Variants in CEP350 observed in about 807,000 individuals in gnomAD.
The protein encoded by CEP350 is centrosome-associated protein 350.
CEP350 carries 126 observed loss-of-function variants against 331.8 expected under a neutral mutation model. The observed-to-expected ratio is 0.38, with a 90% CI of 0.33 to 0.44. The LOEUF (loss-of-function observed/expected upper bound fraction) is 0.44. Ranked by LOEUF, CEP350 falls within the 20% of genes least tolerant of loss-of-function variation. CEP350 has a pLI of 1.00. For missense variants in CEP350, 3,406 were observed against 3,634.6 expected, an observed-to-expected ratio of 0.94 and a Z score of 1.62; for synonymous variants, 1,200 against 1,259.5, an observed-to-expected ratio of 0.95 and a Z score of 1.00.
Position 179,977,511 on chromosome 1 carries a change from C to T in CEP350, c.-13-8658C>T, listed in dbSNP as rs1280560050. ...AATTGGTAATAGTTTATTCCTTAAA[C>T]CGAGAGGTAGCTACATGGGTGTTTA... On this transcript the variant is annotated intron_variant, in intron 1 of 37. Transcript: ENST00000367607. Among the ~76,000 whole-genome samples the T allele has an allele frequency of 4.6e-5, 7 of 152,052 alleles. No individual in the cohort carries two copies. The East Asian group carries it at 1.3e-3, about 29-fold the overall frequency.
rs917701643 is a variant in CEP350 at position 179,954,985 on chromosome 1, G to C, written c.-171G>C. ...TGTCTTCCTTCCCAGCGGACCGGCG[G>C]ATCCCCGGAGCCGGTGCGAGGAGGG... On this transcript the variant is annotated 5_prime_UTR_variant, in exon 1 of 38. Coordinates refer to ENST00000367607, the MANE Select transcript of CEP350 (RefSeq NM_014810.5). The C allele has an allele frequency of 1.6e-6, 2 of 1,239,508 alleles. No homozygotes were observed. The highest frequency in any genetic ancestry group is 3.1e-5 in the African/African-American group (2 of 63,508). 76.8% of individuals were successfully genotyped at this position (1,239,508 alleles called of 1,614,324 possible).
At chr1:180,065,016 C>A in intron 26 of CEP350, 99 bp from the exon 27 acceptor site, 1 of 1,249,698 alleles carries the variant, frequency 8.0e-7, no homozygotes, top group Non-Finnish European at 1.1e-6. Flanking sequence ...TTGTTATAAA[C>A]ATTGTATTGT....
intron 1 of CEP350, among the ~76,000 whole-genome samples, chr1:179,973,103 G>T (rs551529848): frequency 2.0e-5 from 3 of 152,062 alleles, no homozygotes; most frequent in African/African-American, 7.2e-5. Context: ...TCCTGACCTC[G>T]TGATCCATCT....
Position 180,053,821 on chromosome 1 carries a change from T to C in CEP350, c.5061T>C (p.Tyr1687=), listed in dbSNP as rs186422987. The change falls in exon 24 of 38, where the codon TAT becomes TAC. Residue 1687 remains tyrosine, a synonymous_variant. Transcript: ENST00000367607. ...TTACTATGGAGATGGTTCGACAGTA[T>C]ATGAAAGAGGAAGAAATGAGGGCAG... is the stretch of plus-strand genomic sequence containing the variant. ...SKFTMEMVRQ[Y]MKEEEMRAAH... The C allele has an allele frequency of 1.2e-5, 20 of 1,611,786 alleles. No homozygotes were observed. In the East Asian group the frequency reaches 3.6e-4, roughly 29 times the overall value.
Position 180,054,001 on chromosome 1 carries a change from A to AT in CEP350, c.5174+74dup, listed in dbSNP as rs1657663858. The AT allele has an allele frequency of 5.5e-6, 7 of 1,275,374 alleles. No homozygotes were observed. In the Admixed American group the frequency reaches 1.0e-4, roughly 19 times the overall value. 79.0% of individuals were successfully genotyped at this position (1,275,374 alleles called of 1,614,324 possible). On this transcript the variant is annotated intron_variant, in intron 24 of 37. Transcript: ENST00000367607. ...AAAATGGAATGCTTTATATTTTAAG[A>AT]TTTTTTTGTTTCCTCATTTCATTTG... is the stretch of plus-strand genomic sequence containing the variant.
intron 33 of CEP350, among the ~76,000 whole-genome samples, chr1:180,092,389 G>T (rs963032069): frequency 6.6e-6 from 1 of 152,162 alleles, no homozygotes; most frequent in Admixed American, 6.5e-5. Flanking sequence ...AGTTAAGACA[G>T]TGCTTAAGAA....
chr1:180,059,748 C>G (rs572325812), intron 25 of CEP350, among the ~76,000 whole-genome samples: 1 of 152,068 alleles, frequency 6.6e-6, no homozygotes, highest in East Asian at 1.9e-4. Flanking sequence ...ATCCCTGTCA[C>G]TTCAAATAAA....
intron 1 of CEP350, among the ~76,000 whole-genome samples, chr1:179,974,092 T>A (rs1396482911): frequency 1.0e-5 from 1 of 96,660 alleles, no homozygotes; most frequent in Non-Finnish European, 2.6e-5. Flanking sequence ...TGTTTTGTTT[T>A]GTTTTGAGAT....
At chr1:180,029,052 A>G (rs1655848827) in intron 14 of CEP350, among the ~76,000 whole-genome samples, 1 of 152,120 alleles carries the variant, frequency 6.6e-6, no homozygotes, top group African/African-American at 2.4e-5. Flanking sequence ...TTAATTGTAT[A>G]TGTTCCATCT....
intron 21 of CEP350, among the ~76,000 whole-genome samples, chr1:180,045,245 G>A (rs1657046969): frequency 1.3e-5 from 2 of 152,250 alleles, no homozygotes; most frequent in African/African-American, 4.8e-5. Context: ...AGGAGGCTGA[G>A]GCATGAGAAT....
At chr1:180,004,114 T>C (rs1334697690) in intron 7 of CEP350, among the ~76,000 whole-genome samples, 1 of 152,222 alleles carries the variant, frequency 6.6e-6, no homozygotes, top group Non-Finnish European at 1.5e-5. Context: ...CTTTCAAGGC[T>C]TCCAGTTCTG....
intron 37 of CEP350, among the ~76,000 whole-genome samples, chr1:180,101,764 T>C (rs920466299): frequency 3.3e-5 from 5 of 152,182 alleles, no homozygotes; most frequent in African/African-American, 1.2e-4. Context: ...GATCCACCTT[T>C]GGGTTTAATT....
At chr1:179,966,624 G>C (rs2148566226) in intron 1 of CEP350, among the ~76,000 whole-genome samples, 1 of 152,246 alleles carries the variant, frequency 6.6e-6, no homozygotes, top group South Asian at 2.1e-4. Flanking sequence ...ATTTCTGAAA[G>C]CTGAAATTGG....
intron 32 of CEP350, among the ~76,000 whole-genome samples, chr1:180,090,328 T>A (rs903056086): frequency 6.6e-6 from 1 of 150,568 alleles, no homozygotes; most frequent in African/African-American, 2.4e-5. Context: ...GGGCGGATCA[T>A]GAGATCAGGA....
chr1:180,020,245 G>T lies in CEP350; in HGVS notation c.2471G>T (p.Arg824Leu). The T allele has an allele frequency of 6.2e-7, 1 of 1,614,010 alleles. No individual in the cohort carries two copies. The highest frequency in any genetic ancestry group is 8.5e-7 in the Non-Finnish European group (1 of 1,179,904). Reference protein sequence around the residue: ...SASQYKSKLDRIEALKATAAS... With the variant: ...SASQYKSKLDLIEALKATAAS... The stretch of plus-strand genomic sequence containing the variant: ...AGCCAATATAAGAGTAAACTGGATC[G>T]TATTGAAGCCTTGAAAGCAACAGCT... Residue 824 changes from arginine (R) to leucine (L), a missense_variant, in exon 12 of 38, where the codon CGT (arginine) becomes CTT (leucine). Physicochemically the swap from Arg to Leu is moderately radical, Grantham distance 102. Around this residue, in one of 5 missense-constraint regions of CEP350, gnomAD observed 1,857 missense variants for 1,909.2 expected, o/e 0.97. Coordinates refer to ENST00000367607, the MANE Select transcript of CEP350 (RefSeq NM_014810.5).
At chr1:180,108,580 T>C (rs904779491) in intron 37 of CEP350, among the ~76,000 whole-genome samples, 2 of 152,158 alleles carry the variant, frequency 1.3e-5, no homozygotes, top group East Asian at 3.8e-4. Context: ...AACAAATTCA[T>C]TGGGGATGTG....
At chr1:180,097,923 A>G (rs1290593516) in intron 36 of CEP350, among the ~76,000 whole-genome samples, 1 of 152,132 alleles carries the variant, frequency 6.6e-6, no homozygotes, top group African/African-American at 2.4e-5. Flanking sequence ...TGCTTTCTTT[A>G]GTAGTTTTGC....
intron 1 of CEP350, among the ~76,000 whole-genome samples, chr1:179,965,666 G>T (rs151319624): frequency 1.3e-4 from 18 of 135,218 alleles, no homozygotes; most frequent in Admixed American, 4.2e-4. Flanking sequence ...TGTCACCTAG[G>T]CTGGAGTGCA....
chr1:180,070,368 A>T (rs1658806335), intron 27 of CEP350, among the ~76,000 whole-genome samples: 1 of 152,212 alleles, frequency 6.6e-6, no homozygotes, highest in Non-Finnish European at 1.5e-5. Context: ...GGCGACAATT[A>T]TATCAGCTCG....
Sources: gnomAD v4.1 joint callset for allele counts (sites outside exome capture counted in the v4.1 genomes callset) on GRCh38, gnomAD v4.1.1 for gene constraint, gnomAD v4.1.1 regional missense constraint, MANE v1.5 for transcripts, NCBI Gene and HGNC (gene_info 2026-07-23, HGNC 2026-07-21) for gene names.